The following CCDC171 variants were observed in gnomAD, a reference collection of about 807,000 sequenced individuals.
CCDC171 encodes the protein coiled-coil domain-containing protein 171.
CCDC171 carries 177 observed loss-of-function variants against 168.2 expected under a neutral mutation model. The observed-to-expected ratio is 1.05, with a 90% CI of 0.93 to 1.19. The LOEUF (loss-of-function observed/expected upper bound fraction) is 1.19. Ranked by LOEUF, CCDC171 falls within the 50% of genes most tolerant of loss-of-function variation. CCDC171 has a pLI of 0.00. For synonymous variants in CCDC171, 687 were observed against 540.8 expected (o/e 1.27, Z -3.75); for missense variants, 1,991 against 1,539.0 (o/e 1.29, Z -4.91).
the CCDC171 span, among the ~76,000 whole-genome samples, chr9:16,101,117 G>T: frequency 6.6e-6 from 1 of 152,182 alleles, no homozygotes. Flanking sequence ...ATCACCAAAG[G>T]GCCCCCAGCT....
chr9:15,910,186 AC>A (rs1311418923), intron 24 of CCDC171, among the ~76,000 whole-genome samples: 11 of 151,990 alleles, frequency 7.2e-5, no homozygotes, highest in Non-Finnish European at 1.3e-4. Context: ...ACACACACAC[AC>A]ACACACACAC....
intron 21 of CCDC171, among the ~76,000 whole-genome samples, chr9:15,789,717 C>T (rs1475927100): frequency 6.6e-6 from 1 of 151,952 alleles, no homozygotes; most frequent in East Asian, 1.9e-4. Context: ...TAGTCATTTA[C>T]ATTAGGTATA....
At chr9:15,861,766 T>C (rs1291068647) in intron 23 of CCDC171, among the ~76,000 whole-genome samples, 1 of 152,016 alleles carries the variant, frequency 6.6e-6, no homozygotes, top group African/African-American at 2.4e-5. Context: ...ACATTAGAAA[T>C]AAAAGTGATT....
At chr9:16,026,346 C>G (rs1833274375) in intron 6 of CCDC171, among the ~76,000 whole-genome samples, 1 of 152,174 alleles carries the variant, frequency 6.6e-6, no homozygotes, top group Non-Finnish European at 1.5e-5. Flanking sequence ...TAAAGGTTCT[C>G]TGGCTGTGAA....
chr9:15,611,239 G>A (rs2043663596), intron 6 of CCDC171, among the ~76,000 whole-genome samples: 1 of 152,100 alleles, frequency 6.6e-6, no homozygotes, highest in African/African-American at 2.4e-5. Flanking sequence ...CATGCTTCCT[G>A]TACAGCCTGC....
chr9:15,941,780 G>A (rs963163181), intron 25 of CCDC171, among the ~76,000 whole-genome samples: 1 of 151,846 alleles, frequency 6.6e-6, no homozygotes, highest in Non-Finnish European at 1.5e-5. Flanking sequence ...TATAAAAGAA[G>A]ACAATTCATT....
rs528491722 is a variant in CCDC171, at chr9:15,562,269, C to G, written c.-111-1709C>G. ...TCGGCCTCCCTAAGTGCTGGGATTA[C>G]AGGTGTGACCCACCGCGCCTGGCCT... On this transcript the variant is annotated intron_variant, in intron 1 of 25. Transcript: ENST00000380701. 2.0e-5 allele frequency among the ~76,000 whole-genome samples: 3 copies of G among 152,218 alleles called. No homozygotes were observed. The South Asian group carries it at 6.2e-4, about 32-fold the overall frequency.
At chr9:16,105,356 C>A in the CCDC171 span, among the ~76,000 whole-genome samples, 1 of 152,082 alleles carries the variant, frequency 6.6e-6, no homozygotes, top group East Asian at 1.9e-4. Flanking sequence ...GGAGTGGGCT[C>A]AGGAAAAAGC....
intron 2 of CCDC171, among the ~76,000 whole-genome samples, chr9:15,570,558 A>G (rs1268439517): frequency 6.6e-6 from 1 of 152,176 alleles, no homozygotes; most frequent in African/African-American, 2.4e-5. Flanking sequence ...ACCTAAAAAG[A>G]TGACTGGAAG....
At chr9:16,003,074 C>T (rs982074632) in intron 3 of CCDC171, among the ~76,000 whole-genome samples, 1 of 152,220 alleles carries the variant, frequency 6.6e-6, no homozygotes, top group African/African-American at 2.4e-5. Flanking sequence ...ATACTGCTTA[C>T]TCACCATGTT....
chr9:15,976,391 G>T (rs971132136), downstream of CCDC171, among the ~76,000 whole-genome samples: 42 of 152,090 alleles, frequency 2.8e-4, no homozygotes, highest in Admixed American at 6.5e-4. Flanking sequence ...ATAATAAACA[G>T]TGATTATATT....
intron 4 of CCDC171, among the ~76,000 whole-genome samples, chr9:16,021,385 C>G (rs1833159652): frequency 1.3e-5 from 2 of 152,156 alleles, no homozygotes. Flanking sequence ...CATGCCTGGC[C>G]TCAATAAGAC....
At chr9:15,593,128 T>C (rs571218233) in intron 5 of CCDC171, among the ~76,000 whole-genome samples, 1 of 152,014 alleles carries the variant, frequency 6.6e-6, no homozygotes, top group African/African-American at 2.4e-5. Flanking sequence ...TATTTAGCCC[T>C]TGGGGGAAAA....
intron 25 of CCDC171, among the ~76,000 whole-genome samples, chr9:15,934,253 G>A (rs959671896): frequency 1.3e-5 from 2 of 151,540 alleles, no homozygotes; most frequent in African/African-American, 2.4e-5. Context: ...AACTGGGCGT[G>A]TTGGCATGTG....
chr9:15,717,429 G>A (rs2053162246), intron 11 of CCDC171, among the ~76,000 whole-genome samples: 1 of 152,154 alleles, frequency 6.6e-6, no homozygotes, highest in African/African-American at 2.4e-5. Flanking sequence ...CAACTCCTAG[G>A]CAAGTCCTAG....
intron 4 of CCDC171, 120 bp from the exon 5 acceptor site, chr9:15,591,246 G>A (rs1369803675): frequency 1.6e-6 from 1 of 613,950 alleles, no homozygotes; most frequent in African/African-American, 2.0e-5. Context: ...GTAATGGAAA[G>A]GTTAAATGTT....
At chr9:15,848,584 A>AT (rs2060998782) in intron 22 of CCDC171, among the ~76,000 whole-genome samples, 1 of 151,676 alleles carries the variant, frequency 6.6e-6, no homozygotes, top group Non-Finnish European at 1.5e-5. Context: ...TGTAATTGTG[A>AT]TTTTTTTCTT....
Position 15,819,265 on chromosome 9 carries a change from C to A in CCDC171, c.3268-27437C>A, listed in dbSNP as rs2059675468. 1.7e-5 allele frequency among the ~76,000 whole-genome samples: 2 copies of A among 117,754 alleles called. 1 individual carries two copies. Among genetic ancestry groups the A allele is most frequent in the Non-Finnish European group, 3.8e-5 (2 of 52,470 alleles). 77.3% of individuals were successfully genotyped at this position (117,754 alleles called of 152,430 possible). ...TGCCAAATTGTAAAGACCATCGAGGCTAGGAAGAAACTGCATCAACTAACG... is the reference window on the plus strand; with the variant it reads ...TGCCAAATTGTAAAGACCATCGAGGATAGGAAGAAACTGCATCAACTAACG... On this transcript the variant is annotated intron_variant, in intron 21 of 25. Transcript: ENST00000380701.
At chr9:16,076,356 G>T in the CCDC171 span, among the ~76,000 whole-genome samples, 1 of 152,202 alleles carries the variant, frequency 6.6e-6, no homozygotes, top group African/African-American at 2.4e-5. Context: ...CATGTATTTA[G>T]TCAACCAAAG....
Sources: allele counts gnomAD v4.1 joint callset (sites outside exome capture counted in the v4.1 genomes callset), GRCh38; gene constraint gnomAD v4.1.1; transcripts MANE v1.5; gene names NCBI Gene and HGNC (gene_info 2026-07-23, HGNC 2026-07-21).